KCTD8: variants seen among roughly 807,000 people sequenced by gnomAD.
The protein encoded by KCTD8 is BTB/POZ domain-containing protein KCTD8.
KCTD8 carries 27 observed loss-of-function variants against 31.5 expected under a neutral mutation model. The observed-to-expected ratio is 0.86, with a 90% confidence interval of 0.63 to 1.18. The LOEUF (loss-of-function observed/expected upper bound fraction) is 1.18, where lower values mean the gene tolerates loss of function less well. Ranked by LOEUF, KCTD8 falls within the 50% of genes most tolerant of loss-of-function variation. The pLI, the probability that KCTD8 is intolerant of heterozygous loss-of-function variation, is 0.00. For synonymous variants in KCTD8, 290 were observed against 280.0 expected (o/e 1.04, Z -0.36); for missense variants, 658 against 647.7 (o/e 1.02, Z -0.17).
intron 1 of KCTD8, among the ~76,000 whole-genome samples, chr4:44,426,453 G>C (rs1721350205): frequency 6.6e-6 from 1 of 151,690 alleles, no homozygotes; most frequent in Admixed American, 6.6e-5. Context: ...GAAGAGAATA[G>C]AGGAGGATGG....
chr4:44,436,223 C>T (rs1721640817), intron 1 of KCTD8, among the ~76,000 whole-genome samples: 1 of 151,928 alleles, frequency 6.6e-6, no homozygotes, highest in Non-Finnish European at 1.5e-5. Flanking sequence ...TAGTCATGGT[C>T]GAGTCAATGT....
intron 1 of KCTD8, among the ~76,000 whole-genome samples, chr4:44,442,438 T>C (rs188956272): frequency 1.4e-3 from 209 of 151,978 alleles, no homozygotes; most frequent in Middle Eastern, 6.8e-3. Context: ...AATACAAAAA[T>C]TAGCTGGGCG....
At chr4:44,359,521 A>G (rs28624603) in intron 1 of KCTD8, among the ~76,000 whole-genome samples, 100 of 152,330 alleles carry the variant, frequency 6.6e-4, no homozygotes, top group African/African-American at 2.0e-3. Flanking sequence ...TATAGGAAAT[A>G]TCAGCAGAAC....
chr4:44,293,341 C>T lies in KCTD8; in HGVS notation c.962-118091G>A, dbSNP rs149047854. The T allele has an allele frequency of 2.4e-3, 975 of 403,862 alleles. 1 individual carries two copies. Among genetic ancestry groups the T allele is most frequent in the Middle Eastern group, 3.9e-3 (11 of 2,796 alleles). 25.0% of individuals were successfully genotyped at this position (403,862 alleles called of 1,614,324 possible). On this transcript the variant is annotated intron_variant, in intron 1 of 1. Coordinates refer to ENST00000360029, the MANE Select transcript of KCTD8 (RefSeq NM_198353.3). ...ATGCTTTTCAAAAGGAAATGTTCAA[C>T]TTGCCCAAATTTAAAACCAGATTAA... is the stretch of plus-strand genomic sequence containing the variant.
intron 1 of KCTD8, among the ~76,000 whole-genome samples, chr4:44,213,787 A>T (rs1714563309): frequency 6.6e-6 from 1 of 152,138 alleles, no homozygotes; most frequent in South Asian, 2.1e-4. Context: ...AGGACATACA[A>T]CCCAAAATAT....
At chr4:44,206,906 A>G (rs1415358589) in intron 1 of KCTD8, among the ~76,000 whole-genome samples, 1 of 152,236 alleles carries the variant, frequency 6.6e-6, no homozygotes, top group African/African-American at 2.4e-5. Context: ...GTAGTCTTGC[A>G]TTATTATTGT....
At chr4:44,182,940 A>G (rs1167202112) in intron 1 of KCTD8, among the ~76,000 whole-genome samples, 1 of 152,258 alleles carries the variant, frequency 6.6e-6, no homozygotes, top group East Asian at 1.9e-4. Context: ...ACTTTAAAAC[A>G]GTCTGGCATG....
At chr4:44,353,119 C>T (rs1719256133) in intron 1 of KCTD8, among the ~76,000 whole-genome samples, 1 of 152,042 alleles carries the variant, frequency 6.6e-6, no homozygotes, top group South Asian at 2.1e-4. Context: ...ACATTGCAGT[C>T]AATTTCTGCC....
At chr4:44,430,634 G>A (rs1207116032) in intron 1 of KCTD8, among the ~76,000 whole-genome samples, 2 of 151,708 alleles carry the variant, frequency 1.3e-5, no homozygotes, top group East Asian at 1.9e-4. Flanking sequence ...TACCTAGAAT[G>A]TTTATTGGTA....
intron 1 of KCTD8, among the ~76,000 whole-genome samples, chr4:44,346,013 A>G (rs1028747619): frequency 6.6e-6 from 1 of 152,138 alleles, no homozygotes; most frequent in Non-Finnish European, 1.5e-5. Flanking sequence ...ATCTAGTTAA[A>G]GCGTTCATAA....
chr4:44,262,907 C>A (rs1716223967), intron 1 of KCTD8, among the ~76,000 whole-genome samples: 1 of 152,058 alleles, frequency 6.6e-6, no homozygotes, highest in Non-Finnish European at 1.5e-5. Context: ...ATGAGACTTT[C>A]TGATGTTATT....
intron 1 of KCTD8, among the ~76,000 whole-genome samples, chr4:44,223,763 T>C (rs974539944): frequency 6.6e-6 from 1 of 152,330 alleles, no homozygotes; most frequent in South Asian, 2.1e-4. Context: ...GTCTTGTTAC[T>C]GCTACATGTA....
intron 1 of KCTD8, among the ~76,000 whole-genome samples, chr4:44,369,286 T>C (rs1407805402): frequency 6.6e-6 from 1 of 152,152 alleles, no homozygotes; most frequent in East Asian, 1.9e-4. Context: ...TAGAAAACAA[T>C]TCCCAAAGAA....
At chr4:44,209,729 T>C (rs1714425548) in intron 1 of KCTD8, among the ~76,000 whole-genome samples, 2 of 152,158 alleles carry the variant, frequency 1.3e-5, no homozygotes, top group African/African-American at 2.4e-5. Flanking sequence ...TGTGTTAACA[T>C]TGGATGTGAA....
chr4:44,248,426 C>G (rs894616071), intron 1 of KCTD8, among the ~76,000 whole-genome samples: 1 of 150,462 alleles, frequency 6.6e-6, no homozygotes, highest in Non-Finnish European at 1.5e-5. Flanking sequence ...ACATTATTAT[C>G]TAACCTCCAT....
chr4:44,179,484 CAT>C (rs1313846149), intron 1 of KCTD8, among the ~76,000 whole-genome samples: 1 of 148,598 alleles, frequency 6.7e-6, no homozygotes, highest in Non-Finnish European at 1.5e-5. Context: ...TAACATATAA[CAT>C]ATATTCATGT....
At chr4:44,301,078 G>T (rs1320854426) in intron 1 of KCTD8, among the ~76,000 whole-genome samples, 7 of 151,782 alleles carry the variant, frequency 4.6e-5, no homozygotes, top group Admixed American at 2.0e-4. Flanking sequence ...AGTATTCCAT[G>T]GTGTATATGT....
chr4:44,307,948 G>A (rs1211860148), intron 1 of KCTD8, among the ~76,000 whole-genome samples: 2 of 151,902 alleles, frequency 1.3e-5, no homozygotes, highest in African/African-American at 4.8e-5. Context: ...ATTACAAAAA[G>A]ACTGATATCA....
intron 1 of KCTD8, among the ~76,000 whole-genome samples, chr4:44,380,080 T>C (rs530293727): frequency 2.0e-5 from 3 of 152,174 alleles, no homozygotes; most frequent in Non-Finnish European, 2.9e-5. Context: ...TGTGTTTTTT[T>C]CCTAAAGAGT....
Sources: gnomAD v4.1 joint callset for allele counts (sites outside exome capture counted in the v4.1 genomes callset) on GRCh38, gnomAD v4.1.1 for gene constraint, MANE v1.5 for transcripts, NCBI Gene and HGNC (gene_info 2026-07-23, HGNC 2026-07-21) for gene names.